Variants in DDO observed in about 807,000 individuals in gnomAD.
DDO encodes D-aspartate oxidase, also known as D-aspartate oxidase, DDO.
A neutral mutation model predicts 16.8 loss-of-function variants in DDO; 16 were observed. That is an observed-to-expected ratio of 0.95 (90% CI 0.65 to 1.45). DDO has a LOEUF of 1.45. Among genes scored for constraint, DDO ranks in the 40% most tolerant of loss-of-function variants. The pLI is 0.00. For missense variants in DDO, 429 were observed against 420.3 expected (o/e 1.02, Z -0.18); for synonymous variants, 180 against 167.2 (o/e 1.08, Z -0.59).
intron 3 of DDO, among the ~76,000 whole-genome samples, chr6:110,405,846 G>T (rs1235257098): frequency 6.6e-6 from 1 of 152,064 alleles, no homozygotes; most frequent in Non-Finnish European, 1.5e-5. Context: ...CGAGGCTGCA[G>T]TGAACTGAAT....
In DDO at chr6:110,392,934, C is replaced by T. The variant is rs777022161; in HGVS notation, c.867G>A (p.Glu289=). The T allele has an allele frequency of 5.6e-6, 9 of 1,614,120 alleles. No individual in the cohort carries two copies. In the East Asian group the frequency reaches 1.3e-4, roughly 24 times the overall value. The change falls in exon 5 of 5, where the codon GAG becomes GAA. Residue 289 remains glutamate, a synonymous_variant. Transcript: ENST00000368924. ...PYRPGVRLQT[E]LLARDGQRLP... is the part of the protein sequence containing the mutation. ...GCCTCTGTCCATCTCGCGCAAGGAG[C>T]TCTGTCTGCAGTCGCACGCCTGGCC...
chr6:110,398,420 AC>A lies in DDO; in HGVS notation c.459-5079del, dbSNP rs1562260052. Among the ~76,000 whole-genome samples, 19 of 138,602 alleles carry A rather than the reference AC, an allele frequency of 1.4e-4. 1 individual carries two copies. Among genetic ancestry groups the A allele is most frequent in the African/African-American group, 6.1e-4 (18 of 29,492 alleles). 90.9% of individuals were successfully genotyped at this position (138,602 alleles called of 152,430 possible). On this transcript the variant is annotated intron_variant, in intron 4 of 4. Transcript: ENST00000368924. ...CACACACACACACACACACACACAC[AC>A]ACACACTTGGCCTCCCAGGAGCAGA...
At chr6:110,405,463 T>C (rs1773621068) in intron 3 of DDO, among the ~76,000 whole-genome samples, 1 of 152,220 alleles carries the variant, frequency 6.6e-6, no homozygotes, top group Non-Finnish European at 1.5e-5. Flanking sequence ...ATAAAACATC[T>C]TAAAAGTAAC....
chr6:110,413,502 T>G (rs1374076855), intron 1 of DDO, 36 bp from the exon 2 acceptor site: 12 of 1,593,136 alleles, frequency 7.5e-6, no homozygotes, highest in Admixed American at 3.5e-5. Flanking sequence ...ACCCCTTGTT[T>G]TAAGGATTTT....
intron 2 of DDO, among the ~76,000 whole-genome samples, chr6:110,411,103 G>A (rs1773840967): frequency 6.6e-6 from 1 of 152,068 alleles, no homozygotes; most frequent in South Asian, 2.1e-4. Flanking sequence ...CTGGCATCCG[G>A]GCCTTCATCT....
chr6:110,408,442 T>G lies in DDO; in HGVS notation c.173A>C (p.Asp58Ala). 2.5e-6 allele frequency: 4 copies of G among 1,613,586 alleles called. No individual in the cohort carries two copies. The highest frequency in any genetic ancestry group is 3.4e-6 in the Non-Finnish European group (4 of 1,179,814). ...CTGCTTCTGCGTGTGAATGGGTGTA[T>G]CTGTAATCATGGAGAAAAGCAAAGT... ...AGMLIPHTYP[D>A]TPIHTQKQWF... Residue 58 changes from aspartate to alanine, a missense_variant and splice_region_variant, in exon 3 of 5, where the codon GAT becomes GCT. By Grantham distance (126) the Asp-to-Ala change is moderately radical. Transcript: ENST00000368924.
chr6:110,406,924 C>A (rs1399033028), intron 3 of DDO, among the ~76,000 whole-genome samples: 1 of 152,222 alleles, frequency 6.6e-6, no homozygotes, highest in East Asian at 1.9e-4. Context: ...AATTTGGTAA[C>A]TCATTTGATT....
intron 3 of DDO, among the ~76,000 whole-genome samples, chr6:110,405,286 C>T (rs1773616174): frequency 6.6e-6 from 1 of 152,220 alleles, no homozygotes; most frequent in South Asian, 2.1e-4. Context: ...GATCCACCCA[C>T]CTTGGCCTCC....
chr6:110,413,169 A>G, intron 2 of DDO, 122 bp downstream of exon 2: 1 of 1,167,204 alleles, frequency 8.6e-7, no homozygotes, highest in Non-Finnish European at 1.2e-6. Flanking sequence ...AGGAAAGGAA[A>G]AAGAAAAAAA....
intron 3 of DDO, among the ~76,000 whole-genome samples, 195 bp downstream of exon 3, chr6:110,408,139 T>G (rs1773719316): frequency 6.6e-6 from 1 of 152,240 alleles, no homozygotes; most frequent in Non-Finnish European, 1.5e-5. Flanking sequence ...TGTTGTTTAT[T>G]GTTAAAAAGT....
intron 2 of DDO, among the ~76,000 whole-genome samples, chr6:110,412,724 T>C (rs1205562923): frequency 6.6e-6 from 1 of 152,256 alleles, no homozygotes; most frequent in East Asian, 1.9e-4. Flanking sequence ...GCTGGCCCCT[T>C]GCTGATGCTC....
chr6:110,414,583 T>A (rs374919737), intron 1 of DDO, among the ~76,000 whole-genome samples: 12 of 152,330 alleles, frequency 7.9e-5, no homozygotes, highest in African/African-American at 2.9e-4. Flanking sequence ...ACTGTCAGCA[T>A]CCCCGCCTGC....
In DDO at chr6:110,392,651, C is replaced by G. The variant is rs1237585784; in HGVS notation, c.*124G>C. On this transcript the variant is annotated 3_prime_UTR_variant, in exon 5 of 5. Coordinates refer to ENST00000368924, the MANE Select transcript of DDO (RefSeq NM_001372108.2). ...CACCGTGCTCAGCTTACATGTTACACCACTTCTAATGTTGAAAACAAAGAA... is the reference window on the plus strand; with the variant it reads ...CACCGTGCTCAGCTTACATGTTACAGCACTTCTAATGTTGAAAACAAAGAA... 7.2e-7 allele frequency: 1 copy of G among 1,393,912 alleles called. No individual in the cohort carries two copies. Among genetic ancestry groups the G allele is most frequent in the African/African-American group, 1.5e-5 (1 of 68,920 alleles). The allele number at this position is 1,393,912 out of a possible 1,614,324, so 86.3% of individuals were successfully genotyped here.
chr6:110,397,885 A>G (rs1359526128), intron 4 of DDO, among the ~76,000 whole-genome samples: 1 of 152,226 alleles, frequency 6.6e-6, no homozygotes, highest in East Asian at 1.9e-4. Flanking sequence ...TGGGTAATGC[A>G]TAAGATGGCA....
intron 4 of DDO, among the ~76,000 whole-genome samples, chr6:110,394,628 G>A (rs1008206003): frequency 6.6e-6 from 1 of 152,216 alleles, no homozygotes; most frequent in African/African-American, 2.4e-5. Context: ...CAGAGGAACT[G>A]GCAGACAGAA....
chr6:110,388,837 A>G (rs1360390187), downstream of DDO: 1 of 975,496 alleles, frequency 1.0e-6, no homozygotes, highest in East Asian at 1.1e-4. Context: ...GATGTTCTGA[A>G]ATAGAAAACA....
At position 110,404,898 on chromosome 6, in the gene DDO, C is replaced by A. The variant is rs141098854; in HGVS notation, c.334G>T (p.Val112Leu). The A allele has an allele frequency of 6.8e-6, 11 of 1,614,206 alleles. No individual in the cohort carries two copies. Among genetic ancestry groups the A allele is most frequent in the Non-Finnish European group, 8.5e-6 (10 of 1,180,034 alleles). ...PTEEVPFWADVVLGFRKMTEA... is the reference protein window; with the variant it reads ...PTEEVPFWADLVLGFRKMTEA... ...GTCATCTTTCGAAATCCCAGAACCA[C>A]GTCAGCCCAGAATGGCACTTCTTCA... The change falls in exon 4 of 5, where the codon GTG becomes TTG. Residue 112 changes from valine to leucine, a missense_variant. By Grantham distance (32) the Val-to-Leu change is conservative. Coordinates refer to ENST00000368924, the MANE Select transcript of DDO (RefSeq NM_001372108.2).
Position 110,392,594 on chromosome 6 carries a change from A to T in DDO, c.*181T>A, listed in dbSNP as rs1562256265. On this transcript the variant is annotated 3_prime_UTR_variant, in exon 5 of 5. Transcript: ENST00000368924. Reference sequence around the variant, plus strand: ...CTGGGCTCAACAATCCTCCTGCCTCAGCCTCTCAAGTAGCTGGGACTATAG... The same window carrying T: ...CTGGGCTCAACAATCCTCCTGCCTCTGCCTCTCAAGTAGCTGGGACTATAG... 3.2e-6 allele frequency: 4 copies of T among 1,256,726 alleles called. No homozygotes were observed. The highest frequency in any genetic ancestry group is 4.0e-6 in the Non-Finnish European group (4 of 1,002,892). 77.8% of individuals were successfully genotyped at this position (1,256,726 alleles called of 1,614,324 possible). A position where few individuals can be genotyped will look rare whatever the true frequency, so the allele number is the denominator to read the frequency against.
intron 4 of DDO, among the ~76,000 whole-genome samples, chr6:110,397,439 A>G (rs1773327309): frequency 6.6e-6 from 1 of 152,152 alleles, no homozygotes; most frequent in Admixed American, 6.5e-5. Flanking sequence ...TAATATTTGA[A>G]CATTATGTTC....
Sources: allele counts gnomAD v4.1 joint callset (sites outside exome capture counted in the v4.1 genomes callset), GRCh38; gene constraint gnomAD v4.1.1; transcripts MANE v1.5; gene names NCBI Gene and HGNC (gene_info 2026-07-23, HGNC 2026-07-21).